Variants in KCNB2 observed in about 807,000 individuals in gnomAD.
The protein encoded by KCNB2 is delayed rectifier potassium channel protein.
In KCNB2, 15 loss-of-function variants were observed where a neutral mutation model predicts 61.5. The ratio of observed to expected loss-of-function variants is 0.24; its 90% confidence interval spans 0.16 to 0.38. KCNB2 has a LOEUF of 0.38. Ranked by LOEUF, KCNB2 falls within the 10% of genes least tolerant of loss-of-function variation. KCNB2 has a pLI of 1.00. For synonymous variants in KCNB2, 457 were observed against 446.0 expected, an observed-to-expected ratio of 1.02 and a Z score of -0.31; for missense variants, 828 against 1,125.2, an observed-to-expected ratio of 0.74 and a Z score of 3.78.
Position 72,579,275 on chromosome 8 carries a change from A to G in KCNB2, c.579+10962A>G, listed in dbSNP as rs191774012. 5.6e-4 allele frequency among the ~76,000 whole-genome samples: 86 copies of G among 152,278 alleles called. 1 individual carries two copies. The East Asian group carries it at 0.013, about 23-fold the overall frequency. The stretch of plus-strand genomic sequence containing the variant: ...TTTCTACTGAATTTCTTTGGCTCCA[A>G]TCAGACTTCATATTTATTTTTCATC... On this transcript the variant is annotated intron_variant, in intron 2 of 2. Coordinates refer to ENST00000523207, the MANE Select transcript of KCNB2 (RefSeq NM_004770.3).
intron 2 of KCNB2, among the ~76,000 whole-genome samples, chr8:72,599,853 T>C (rs1272196186): frequency 1.3e-5 from 2 of 152,144 alleles, no homozygotes; most frequent in South Asian, 2.1e-4. Context: ...AAAAGGCTCA[T>C]CATCACTGGC....
chr8:72,570,799 G>C (rs1392045736), intron 2 of KCNB2, among the ~76,000 whole-genome samples: 1 of 152,120 alleles, frequency 6.6e-6, no homozygotes, highest in East Asian at 1.9e-4. Flanking sequence ...CACTTGCTGA[G>C]GAGGTAAGAT....
At chr8:72,807,789 AAATAAT>A (rs1809248780) in intron 2 of KCNB2, among the ~76,000 whole-genome samples, 1 of 152,208 alleles carries the variant, frequency 6.6e-6, no homozygotes, top group Non-Finnish European at 1.5e-5. Flanking sequence ...TCAGGATAAT[AAATAAT>A]AATAAATGAA....
chr8:72,760,224 A>G (rs1808354790), intron 2 of KCNB2, among the ~76,000 whole-genome samples: 2 of 152,232 alleles, frequency 1.3e-5, no homozygotes, highest in African/African-American at 2.4e-5. Context: ...GACTTAAGCA[A>G]GTTAACTGAC....
chr8:72,887,601 G>A (rs549891238), intron 2 of KCNB2, among the ~76,000 whole-genome samples: 62 of 152,342 alleles, frequency 4.1e-4, no homozygotes, highest in East Asian at 1.7e-3. Flanking sequence ...CTACACACAG[G>A]AGGAGCTACA....
intron 2 of KCNB2, among the ~76,000 whole-genome samples, chr8:72,863,925 G>A (rs541092897): frequency 1.3e-5 from 2 of 152,272 alleles, no homozygotes; most frequent in African/African-American, 4.8e-5. Context: ...GATCACTTGA[G>A]CCCAGGAGGC....
At chr8:72,609,455 G>A (rs892070448) in intron 2 of KCNB2, among the ~76,000 whole-genome samples, 2 of 152,244 alleles carry the variant, frequency 1.3e-5, no homozygotes, top group Middle Eastern at 3.4e-3. Context: ...AGAAAAAAAT[G>A]TATTCTTTCT....
At chr8:72,637,839 G>A (rs889932246) in intron 2 of KCNB2, among the ~76,000 whole-genome samples, 7 of 152,132 alleles carry the variant, frequency 4.6e-5, no homozygotes, top group African/African-American at 1.2e-4. Context: ...TAGGTGCTGA[G>A]AAGCCTACTG....
At chr8:72,611,681 A>T (rs1805543160) in intron 2 of KCNB2, among the ~76,000 whole-genome samples, 1 of 152,158 alleles carries the variant, frequency 6.6e-6, no homozygotes, top group Admixed American at 6.5e-5. Context: ...TATGGAAGGG[A>T]TACCTTCTAT....
chr8:72,673,117 C>T (rs1806592913), intron 2 of KCNB2, among the ~76,000 whole-genome samples: 7 of 152,164 alleles, frequency 4.6e-5, no homozygotes, highest in Admixed American at 4.6e-4. Flanking sequence ...CAATGTTATT[C>T]ACAATAGGTG....
chr8:72,684,256 A>G (rs1176783001), intron 2 of KCNB2, among the ~76,000 whole-genome samples: 2 of 152,238 alleles, frequency 1.3e-5, no homozygotes, highest in Non-Finnish European at 2.9e-5. Flanking sequence ...TAGAAGAAAT[A>G]CAAAATAAGG....
intron 2 of KCNB2, among the ~76,000 whole-genome samples, chr8:72,790,412 C>T (rs1198447552): frequency 6.6e-6 from 1 of 152,098 alleles, no homozygotes; most frequent in Non-Finnish European, 1.5e-5. Flanking sequence ...GGACTCAATG[C>T]CACAGAGGAT....
At chr8:72,847,263 G>A (rs1314589326) in intron 2 of KCNB2, among the ~76,000 whole-genome samples, 1 of 152,186 alleles carries the variant, frequency 6.6e-6, no homozygotes, top group Admixed American at 6.5e-5. Context: ...CTCAGGAAGA[G>A]GTTGGGGTCA....
intron 2 of KCNB2, among the ~76,000 whole-genome samples, chr8:72,822,568 A>C (rs1012017810): frequency 2.0e-5 from 3 of 152,270 alleles, no homozygotes; most frequent in Admixed American, 2.0e-4. Context: ...ATGATTCATC[A>C]TTCATTCTCT....
rs146285870 is a variant in KCNB2, at chr8:72,737,665, T to C, written c.579+169352T>C. Among the ~76,000 whole-genome samples the C allele has an allele frequency of 4.6e-3, 706 of 152,258 alleles. 7 individuals carry two copies. Among genetic ancestry groups the C allele is most frequent in the African/African-American group, 0.016 (674 of 41,558 alleles). On this transcript the variant is annotated intron_variant, in intron 2 of 2. Transcript: ENST00000523207. ...GGTAAGATGGGAAGATTACTAAATTTATTAGTACTAACTAGTAGTTGGACG... is the reference window on the plus strand; with the variant it reads ...GGTAAGATGGGAAGATTACTAAATTCATTAGTACTAACTAGTAGTTGGACG...
At chr8:72,691,215 T>A (rs1806935170) in intron 2 of KCNB2, among the ~76,000 whole-genome samples, 2 of 152,246 alleles carry the variant, frequency 1.3e-5, no homozygotes, top group Admixed American at 1.3e-4. Context: ...GACATCACTG[T>A]ACCTCCCTGA....
intron 2 of KCNB2, among the ~76,000 whole-genome samples, chr8:72,701,302 C>A (rs1807121302): frequency 6.6e-6 from 1 of 152,210 alleles, no homozygotes; most frequent in Admixed American, 6.5e-5. Flanking sequence ...CAAACAGGCA[C>A]TGTTGGTTAC....
chr8:72,883,186 GTTTC>G (rs1399692426), intron 2 of KCNB2, among the ~76,000 whole-genome samples: 1 of 152,152 alleles, frequency 6.6e-6, no homozygotes, highest in African/African-American at 2.4e-5. Flanking sequence ...GCACAAAAAT[GTTTC>G]TTTATCTCAG....
At position 72,745,806 on chromosome 8, in the gene KCNB2, G is replaced by T. The variant is rs148688336; in HGVS notation, c.579+177493G>T. 2.2e-3 allele frequency among the ~76,000 whole-genome samples: 342 copies of T among 152,192 alleles called. 1 individual carries two copies. The highest frequency in any genetic ancestry group is 7.7e-3 in the African/African-American group (318 of 41,542). Reference sequence around the variant, plus strand: ...GGAGCTCCCACCCTTTAATCACATAGTTGGTCTTCCTGGCATAGCCAGTCC... The same window carrying T: ...GGAGCTCCCACCCTTTAATCACATATTTGGTCTTCCTGGCATAGCCAGTCC... On this transcript the variant is annotated intron_variant, in intron 2 of 2. Coordinates refer to ENST00000523207, the MANE Select transcript of KCNB2 (RefSeq NM_004770.3).
Sources: allele counts gnomAD v4.1 joint callset (sites outside exome capture counted in the v4.1 genomes callset), GRCh38; gene constraint gnomAD v4.1.1; transcripts MANE v1.5; gene names NCBI Gene and HGNC (gene_info 2026-07-23, HGNC 2026-07-21).